Variants in GALNT13 observed in about 807,000 individuals in gnomAD.
The protein encoded by GALNT13 is UDP-GalNAc:polypeptide N-acetylgalactosaminyltransferase 13.
A neutral mutation model predicts 64.2 loss-of-function variants in GALNT13; 28 were observed. That is an observed-to-expected ratio of 0.44 (90% CI 0.32 to 0.60). The LOEUF is 0.60. Ranked by LOEUF, GALNT13 falls within the 20% of genes least tolerant of loss-of-function variation. The pLI is 0.05. For synonymous variants in GALNT13, 214 were observed against 224.6 expected, an observed-to-expected ratio of 0.95 and a Z score of 0.42; for missense variants, 577 against 669.8, an observed-to-expected ratio of 0.86 and a Z score of 1.53.
At chr2:153,887,305 G>A (rs1355568108) in intron 1 of GALNT13, among the ~76,000 whole-genome samples, 4 of 150,052 alleles carry the variant, frequency 2.7e-5, no homozygotes, top group African/African-American at 9.8e-5. Flanking sequence ...TCTCCTCTCC[G>A]ATGGTCCTCT....
At chr2:154,215,276 C>A (rs1444231609) in intron 4 of GALNT13, among the ~76,000 whole-genome samples, 6 of 152,048 alleles carry the variant, frequency 3.9e-5, no homozygotes, top group African/African-American at 1.4e-4. Flanking sequence ...TTTTAATATA[C>A]CACTTCTATA....
chr2:153,210,408 A>G, the GALNT13 span, among the ~76,000 whole-genome samples: 1 of 152,226 alleles, frequency 6.6e-6, no homozygotes, highest in Non-Finnish European at 1.5e-5. Context: ...AGATGACCAT[A>G]TACAGAGTTT....
the GALNT13 span, among the ~76,000 whole-genome samples, chr2:153,088,443 G>A: frequency 2.0e-5 from 3 of 152,060 alleles, no homozygotes; most frequent in Non-Finnish European, 4.4e-5. Context: ...TTCTGCAGTT[G>A]TTGGGTAAAA....
chr2:154,373,840 G>A (rs1179823940), intron 9 of GALNT13, among the ~76,000 whole-genome samples: 1 of 152,202 alleles, frequency 6.6e-6, no homozygotes, highest in Non-Finnish European at 1.5e-5. Context: ...TTCTTACAGA[G>A]TGTGAACAAT....
chr2:153,659,144 C>G, the GALNT13 span, among the ~76,000 whole-genome samples: 2 of 152,048 alleles, frequency 1.3e-5, no homozygotes, highest in African/African-American at 2.4e-5. Flanking sequence ...AAATGCAGTA[C>G]TGATGGGAAA....
chr2:153,807,685 A>G, the GALNT13 span, among the ~76,000 whole-genome samples: 4 of 151,968 alleles, frequency 2.6e-5, no homozygotes, highest in Admixed American at 6.6e-5. Flanking sequence ...CATATCTTCA[A>G]GCTTTTATTA....
upstream of GALNT13, among the ~76,000 whole-genome samples, chr2:153,867,841 C>T (rs1341871460): frequency 6.6e-6 from 1 of 152,010 alleles, no homozygotes; most frequent in Non-Finnish European, 1.5e-5. Context: ...TCTAATGCTG[C>T]TGCTGATCTT....
chr2:153,106,686 TG>T, the GALNT13 span, among the ~76,000 whole-genome samples: 1 of 152,172 alleles, frequency 6.6e-6, no homozygotes, highest in African/African-American at 2.4e-5. Context: ...AATGTAGGTC[TG>T]AGCCTATAGG....
At chr2:154,169,473 T>G (rs1685234683) in intron 4 of GALNT13, among the ~76,000 whole-genome samples, 1 of 152,160 alleles carries the variant, frequency 6.6e-6, no homozygotes, top group Non-Finnish European at 1.5e-5. Flanking sequence ...ACCACTGAGT[T>G]GACTTGAGTT....
the GALNT13 span, among the ~76,000 whole-genome samples, chr2:153,229,859 G>A: frequency 6.6e-6 from 1 of 152,204 alleles, no homozygotes; most frequent in East Asian, 1.9e-4. Flanking sequence ...AGAGGAAGGA[G>A]CCACTCTTAC....
the GALNT13 span, among the ~76,000 whole-genome samples, chr2:153,285,034 TAA>T: frequency 7.8e-5 from 11 of 141,642 alleles, no homozygotes; most frequent in Admixed American, 1.4e-4. Context: ...GTAATTTATT[TAA>T]AAAAAAAAAA....
intron 4 of GALNT13, among the ~76,000 whole-genome samples, chr2:154,223,851 GATATT>G (rs1307281268): frequency 6.6e-6 from 1 of 152,022 alleles, no homozygotes; most frequent in African/African-American, 2.4e-5. Flanking sequence ...AGTAAGGCAT[GATATT>G]TTATATTACA....
chr2:153,176,840 A>G, the GALNT13 span, among the ~76,000 whole-genome samples: 38 of 151,892 alleles, frequency 2.5e-4, no homozygotes, highest in African/African-American at 9.1e-4. Context: ...TTTCAACAGT[A>G]ACTATGGAAG....
chr2:153,744,939 T>A, the GALNT13 span, among the ~76,000 whole-genome samples: 1 of 152,048 alleles, frequency 6.6e-6, no homozygotes, highest in African/African-American at 2.4e-5. Flanking sequence ...GAAGGCCTGG[T>A]GAGGAGTGAG....
chr2:154,277,582 C>T (rs1691719900), intron 8 of GALNT13, among the ~76,000 whole-genome samples: 1 of 151,960 alleles, frequency 6.6e-6, no homozygotes, highest in Non-Finnish European at 1.5e-5. Flanking sequence ...ACAATTTCTG[C>T]AATAACAGAT....
At chr2:153,147,094 G>A in the GALNT13 span, among the ~76,000 whole-genome samples, 1 of 151,730 alleles carries the variant, frequency 6.6e-6, no homozygotes, top group Middle Eastern at 3.2e-3. Context: ...GTTTCGCGGA[G>A]GAGAAATGAG....
the GALNT13 span, among the ~76,000 whole-genome samples, chr2:153,240,556 T>G: frequency 6.6e-6 from 1 of 152,136 alleles, no homozygotes; most frequent in Non-Finnish European, 1.5e-5. Flanking sequence ...CTGTCTGTAC[T>G]GGCAAGGTGC....
At chr2:153,951,916 A>G (rs1692213865) in intron 3 of GALNT13, among the ~76,000 whole-genome samples, 2 of 152,162 alleles carry the variant, frequency 1.3e-5, no homozygotes, top group African/African-American at 2.4e-5. Flanking sequence ...TAAAAAAGAA[A>G]TGATTTCAGT....
chr2:154,204,269 T>C (rs983999081), intron 4 of GALNT13, among the ~76,000 whole-genome samples: 1 of 152,216 alleles, frequency 6.6e-6, no homozygotes, highest in Non-Finnish European at 1.5e-5. Context: ...AAGTGTTTCA[T>C]AGAACTTATT....
Sources: allele counts gnomAD v4.1 joint callset (sites outside exome capture counted in the v4.1 genomes callset), GRCh38; gene constraint gnomAD v4.1.1; transcripts MANE v1.5; gene names NCBI Gene and HGNC (gene_info 2026-07-23, HGNC 2026-07-21).